TRUB2: variants seen among roughly 807,000 people sequenced by gnomAD.
TRUB2 encodes the protein pseudouridylate synthase TRUB2, mitochondrial.
A neutral mutation model predicts 31.9 loss-of-function variants in TRUB2; 31 were observed. The ratio of observed to expected loss-of-function variants is 0.97; its 90% CI spans 0.73 to 1.31. The LOEUF (loss-of-function observed/expected upper bound fraction) is 1.31. Ranked by LOEUF, TRUB2 falls within the 50% of genes most tolerant of loss-of-function variation. The pLI, the probability that TRUB2 is intolerant of heterozygous loss-of-function variation, is 0.00. For missense variants in TRUB2, 451 were observed against 439.6 expected (o/e 1.03, Z -0.23); for synonymous variants, 201 against 182.6 (o/e 1.10, Z -0.81).
intron 3 of TRUB2, chr9:128,316,911 G>A (rs573578406): frequency 5.9e-5 from 29 of 491,806 alleles, no homozygotes; most frequent in African/African-American, 5.3e-4. Flanking sequence ...GTGCATAAAG[G>A]GCCTCGAACT....
At chr9:128,318,168 A>G (rs993649450) in intron 2 of TRUB2, among the ~76,000 whole-genome samples, 1 of 152,128 alleles carries the variant, frequency 6.6e-6, no homozygotes, top group Non-Finnish European at 1.5e-5. Context: ...ACATGGTGAA[A>G]CCCCATCTCT....
intron 2 of TRUB2, among the ~76,000 whole-genome samples, 159 bp downstream of exon 2, chr9:128,321,440 C>G (rs530498668): frequency 6.6e-6 from 1 of 152,356 alleles, no homozygotes; most frequent in South Asian, 2.1e-4. Flanking sequence ...CATTCAGTAT[C>G]TGGCCCTTTC....
At chr9:128,313,671 A>G in intron 5 of TRUB2, 137 bp downstream of exon 5, 1 of 744,294 alleles carries the variant, frequency 1.3e-6, no homozygotes, top group Non-Finnish European at 2.4e-6. Context: ...TGGAGCACAG[A>G]TCCCGTGGCC....
chr9:128,322,312 GTAGC>G lies in TRUB2; in HGVS notation c.93_96del (p.Glu31AspfsTer4). 1 of 1,614,024 alleles carries G rather than the reference GTAGC, an allele frequency of 6.2e-7. No homozygotes were observed. Among genetic ancestry groups the G allele is most frequent in the South Asian group, 1.1e-5 (1 of 91,082 alleles). On this transcript the variant is annotated frameshift_variant, in exon 1 of 8. Coordinates refer to ENST00000372890, the MANE Select transcript of TRUB2 (RefSeq NM_015679.3). LOFTEE classifies it high-confidence loss of function. ...TCGAGGCACTCACCCTTCAGAAGTT[GTAGC>G]TCCACTGTATCCCGCAGGTGCTTCC...
intron 1 of TRUB2, 54 bp from the exon 2 acceptor site, chr9:128,321,784 A>G (rs1832185518): frequency 3.9e-6 from 6 of 1,533,134 alleles, no homozygotes; most frequent in Non-Finnish European, 5.3e-6. Context: ...ATGTACATAT[A>G]AAATATTTTT....
intron 1 of TRUB2, 98 bp from the exon 2 acceptor site, chr9:128,321,828 G>T (rs1242714845): frequency 2.3e-6 from 3 of 1,307,396 alleles, no homozygotes; most frequent in Admixed American, 2.1e-5. Flanking sequence ...AGCCCAGGCT[G>T]AAGTGCAATG....
Position 128,321,475 on chromosome 9 carries a change from C to T in TRUB2, c.241+124G>A, listed in dbSNP as rs1473352216. On this transcript the variant is annotated intron_variant, in intron 2 of 7. Transcript: ENST00000372890. Reference sequence around the variant, plus strand: ...CCAAGGAAATCTGCCAATTCCTGGTCTAATACCTCACTCCTCTGTGGACCT... The same window carrying T: ...CCAAGGAAATCTGCCAATTCCTGGTTTAATACCTCACTCCTCTGTGGACCT... 3 of 1,520,430 alleles carry T rather than the reference C, an allele frequency of 2.0e-6. No homozygotes were observed. In the African/African-American group the frequency reaches 4.1e-5, roughly 21 times the overall value. The allele number at this position is 1,520,430 out of a possible 1,614,324, so 94.2% of individuals were successfully genotyped here.
In TRUB2 at chr9:128,308,833, C is replaced by T. The variant is rs1831911760; in HGVS notation, c.*717G>A. Reference sequence around the variant, plus strand: ...GGCTGAGGCAGGAGAATCACTTGAACCTGGGAGGCGGAGGCTGCAGTGAGC... The same window carrying T: ...GGCTGAGGCAGGAGAATCACTTGAATCTGGGAGGCGGAGGCTGCAGTGAGC... On this transcript the variant is annotated 3_prime_UTR_variant, in exon 8 of 8. Transcript: ENST00000372890. The T allele has an allele frequency of 6.6e-6, 1 of 152,110 alleles. No individual in the cohort carries two copies. The highest frequency in any genetic ancestry group is 2.4e-5 in the African/African-American group (1 of 41,384). The allele number at this position is 152,110 out of a possible 1,614,324, so 9.4% of individuals were successfully genotyped here. A position where few individuals can be genotyped will look rare whatever the true frequency, so the allele number is the denominator to read the frequency against.
chr9:128,309,686 G>A lies in TRUB2; in HGVS notation c.860C>T (p.Thr287Ile), dbSNP rs755549478. Residue 287 changes from threonine (T) to isoleucine (I), a missense_variant, in exon 8 of 8, where the codon ACC (threonine) becomes ATC (isoleucine). By Grantham distance (89) the Thr-to-Ile change is moderately conservative. Coordinates refer to ENST00000372890, the MANE Select transcript of TRUB2 (RefSeq NM_015679.3). ...TNIQDAIRAA[T>I]PQVAAELEKS... The stretch of plus-strand genomic sequence containing the variant: ...CTCCAGCTCTGCAGCTACCTGAGGG[G>A]TAGCAGCCCGGATAGCATCCTGGAT... The A allele has an allele frequency of 1.7e-5, 27 of 1,614,098 alleles. No homozygotes were observed. Among genetic ancestry groups the A allele is most frequent in the Non-Finnish European group, 2.2e-5 (26 of 1,180,052 alleles).
At chr9:128,320,295 G>C (rs941168251) in intron 2 of TRUB2, among the ~76,000 whole-genome samples, 1 of 150,786 alleles carries the variant, frequency 6.6e-6, no homozygotes, top group African/African-American at 2.4e-5. Flanking sequence ...TCAACCTCCC[G>C]AGTAGCTGGA....
rs1831847407 is a variant in TRUB2 at position 128,305,209 on chromosome 9, T to G, written c.*4341A>C. ...ATAGGTGACAGCTTCAGAGGCCACA[T>G]TACCCAGTCAGTAAACACAGTAAGC... On this transcript the variant is annotated 3_prime_UTR_variant, in exon 8 of 8. Coordinates refer to ENST00000372890, the MANE Select transcript of TRUB2 (RefSeq NM_015679.3). 6.6e-6 allele frequency: 1 copy of G among 152,180 alleles called. No homozygotes were observed. Among genetic ancestry groups the G allele is most frequent in the Non-Finnish European group, 1.5e-5 (1 of 68,028 alleles). 9.4% of individuals were successfully genotyped at this position (152,180 alleles called of 1,614,324 possible). A position where few individuals can be genotyped will look rare whatever the true frequency, so the allele number is the denominator to read the frequency against.
rs1832199258 is a variant in TRUB2, at chr9:128,322,219, G to C, written c.109+81C>G. 7.4e-6 allele frequency: 9 copies of C among 1,217,978 alleles called. No individual in the cohort carries two copies. The South Asian group carries it at 9.9e-5, about 13-fold the overall frequency. The allele number at this position is 1,217,978 out of a possible 1,614,324, so 75.4% of individuals were successfully genotyped here. On this transcript the variant is annotated intron_variant, in intron 1 of 7. Coordinates refer to ENST00000372890, the MANE Select transcript of TRUB2 (RefSeq NM_015679.3). ...CCAGGTGAATAGGTCACGTGATTTT[G>C]TTTTGGGGTAAGGACCAGAAGCGGA...
intron 3 of TRUB2, 94 bp downstream of exon 3, chr9:128,317,058 G>T: frequency 2.7e-6 from 3 of 1,114,202 alleles, no homozygotes; most frequent in Non-Finnish European, 3.9e-6. Flanking sequence ...GGTGGGACGT[G>T]GGTGCCAGGT....
Position 128,305,657 on chromosome 9 carries a change from G to A in TRUB2, c.*3893C>T, listed in dbSNP as rs1320464529. ...ACCTGCTTTGGCTTCCCAAAGTGCA[G>A]GGATTACAGGCGTGAGCCACCACGC... On this transcript the variant is annotated 3_prime_UTR_variant, in exon 8 of 8. Coordinates refer to ENST00000372890, the MANE Select transcript of TRUB2 (RefSeq NM_015679.3). The A allele has an allele frequency of 6.6e-6, 1 of 152,300 alleles. No homozygotes were observed. The highest frequency in any genetic ancestry group is 1.5e-5 in the Non-Finnish European group (1 of 68,148). 9.4% of individuals were successfully genotyped at this position (152,300 alleles called of 1,614,324 possible).
chr9:128,316,319 G>A (rs1832067838), intron 3 of TRUB2: 1 of 152,248 alleles, frequency 6.6e-6, no homozygotes, highest in Admixed American at 6.6e-5. Flanking sequence ...CTTGAACCCA[G>A]GAGGCGGAGG....
rs1333444863 is a variant in TRUB2 at position 128,310,891 on chromosome 9, G to A, written c.666C>T (p.Leu222=). The A allele has an allele frequency of 1.9e-6, 3 of 1,614,064 alleles. No individual in the cohort carries two copies. The highest frequency in any genetic ancestry group is 2.5e-6 in the Non-Finnish European group (3 of 1,180,012). The stretch of plus-strand genomic sequence containing the variant: ...CAACTTCCTTGGCCAACCTACCTAA[G>A]AGGAATTCCGGAGGTGCAAAGTAGA... ...RCLYFAPPEF[L]LEVQCMHETQ... Residue 222 remains leucine (L), a synonymous_variant, in exon 7 of 8, where the codon CTC becomes CTT. Transcript: ENST00000372890.
chr9:128,310,625 C>A (rs186247389), intron 7 of TRUB2, among the ~76,000 whole-genome samples: 1 of 152,158 alleles, frequency 6.6e-6, no homozygotes, highest in African/African-American at 2.4e-5. Context: ...CTAAATATAA[C>A]CTTTGCTTGG....
At chr9:128,322,162 A>G in intron 1 of TRUB2, 138 bp downstream of exon 1, 1 of 666,348 alleles carries the variant, frequency 1.5e-6, no homozygotes, top group Non-Finnish European at 2.6e-6. Flanking sequence ...GTAAGAAAGC[A>G]CAGAGAACAG....
intron 5 of TRUB2, 75 bp downstream of exon 5, chr9:128,313,733 G>T (rs944311215): frequency 7.4e-7 from 1 of 1,344,846 alleles, no homozygotes; most frequent in Admixed American, 1.7e-5. Flanking sequence ...AGGGGCCAGC[G>T]TGGCCTAGGG....
Sources: allele counts gnomAD v4.1 joint callset (sites outside exome capture counted in the v4.1 genomes callset), GRCh38; gene constraint gnomAD v4.1.1; transcripts MANE v1.5; gene names NCBI Gene and HGNC (gene_info 2026-07-23, HGNC 2026-07-21).